GAPVD1: variants seen among roughly 807,000 people sequenced by gnomAD.
The protein encoded by GAPVD1 is GTPase activating protein and VPS9 domains 1.
A neutral mutation model predicts 155.5 loss-of-function variants in GAPVD1; 35 were observed. The ratio of observed to expected loss-of-function variants is 0.23; its 90% CI spans 0.17 to 0.30. GAPVD1 has a LOEUF of 0.30. GAPVD1 is among the 10% of genes least tolerant of loss of function. The pLI, the probability that GAPVD1 is intolerant of heterozygous loss-of-function variation, is 1.00. For synonymous variants in GAPVD1, 636 were observed against 619.7 expected, an observed-to-expected ratio of 1.03 and a Z score of -0.39; for missense variants, 1,429 against 1,775.7, an observed-to-expected ratio of 0.80 and a Z score of 3.51.
At chr9:125,357,417 A>G (rs762921157) in intron 25 of GAPVD1, among the ~76,000 whole-genome samples, 1 of 151,600 alleles carries the variant, frequency 6.6e-6, no homozygotes, top group Non-Finnish European at 1.5e-5. Context: ...CATCTCTACT[A>G]AAAATACAAA....
chr9:125,338,945 G>A (rs577395786), intron 17 of GAPVD1, among the ~76,000 whole-genome samples: 15 of 149,376 alleles, frequency 1.0e-4, no homozygotes, highest in Non-Finnish European at 1.6e-4. Context: ...GTGTGTGTGT[G>A]TGTGTGTGTG....
chr9:125,360,738 C>T lies in GAPVD1; in HGVS notation c.4242+13C>T, dbSNP rs1213260324. The T allele has an allele frequency of 3.7e-6, 6 of 1,600,544 alleles. No homozygotes were observed. Among genetic ancestry groups the T allele is most frequent in the Non-Finnish European group, 3.4e-6 (4 of 1,168,456 alleles). ...TGTGTTGATAAAGGTGGGCCCCTTA[C>T]TACTATCAGTTAAGGAGTTATGTGG... On this transcript the variant is annotated intron_variant, in intron 27 of 27. Coordinates refer to ENST00000297933, the MANE Select transcript of GAPVD1 (RefSeq NM_001282680.3).
At position 125,362,853 on chromosome 9, in the gene GAPVD1, C is replaced by A; in HGVS notation, c.*107C>A. On this transcript the variant is annotated 3_prime_UTR_variant, in exon 28 of 28. Transcript: ENST00000297933. ...CTGAAGATTGTTTTGTATGATACTG[C>A]ACAGCATCAGGCATTTTAAAGCAGA... The A allele has an allele frequency of 1.1e-6, 1 of 908,310 alleles. No individual in the cohort carries two copies. Among genetic ancestry groups the A allele is most frequent in the Non-Finnish European group, 1.6e-6 (1 of 606,740 alleles). 56.3% of individuals were successfully genotyped at this position (908,310 alleles called of 1,614,324 possible). A position where few individuals can be genotyped will look rare whatever the true frequency, so the allele number is the denominator to read the frequency against.
chr9:125,324,289 G>A (rs1394785620), intron 11 of GAPVD1, among the ~76,000 whole-genome samples: 1 of 152,118 alleles, frequency 6.6e-6, no homozygotes, highest in East Asian at 1.9e-4. Context: ...GATACATATG[G>A]TTGAAAGTAT....
intron 17 of GAPVD1, 65 bp from the exon 18 acceptor site, chr9:125,341,112 A>T: frequency 1.2e-6 from 1 of 868,968 alleles, no homozygotes; most frequent in Non-Finnish European, 2.0e-6. Flanking sequence ...AACAAAAAGA[A>T]ATCCTTTTCT....
intron 15 of GAPVD1, chr9:125,336,711 A>G (rs1211732750): frequency 7.7e-6 from 2 of 258,922 alleles, no homozygotes; most frequent in Admixed American, 5.2e-5. Flanking sequence ...TTCTCAAAAC[A>G]TTGATGGTTT....
At chr9:125,358,614 A>G (rs1850461838) in intron 25 of GAPVD1, among the ~76,000 whole-genome samples, 1 of 152,180 alleles carries the variant, frequency 6.6e-6, no homozygotes, top group Non-Finnish European at 1.5e-5. Context: ...GAGAGAATTC[A>G]CTTTCCTGTG....
At position 125,342,254 on chromosome 9, in the gene GAPVD1, A is replaced by G. The variant is rs1044802382; in HGVS notation, c.3001A>G (p.Lys1001Glu). 6.9e-6 allele frequency: 11 copies of G among 1,600,786 alleles called. No individual in the cohort carries two copies. The highest frequency in any genetic ancestry group is 8.6e-6 in the Non-Finnish European group (10 of 1,167,962). The change falls in exon 19 of 28, where the codon AAA becomes GAA. Residue 1001 changes from lysine to glutamate, a missense_variant. Transcript: ENST00000297933. ...ATTTAGAAAGAAAGAAAAACAAGAA[A>G]AAGACAAAGATGATCTGGGGCCTGA... ...IPFRKKEKQEKDKDDLGPDRF... is the reference protein window; with the variant it reads ...IPFRKKEKQEEDKDDLGPDRF...
In GAPVD1 at chr9:125,366,514, C is replaced by T. The variant is rs956041235; in HGVS notation, c.*3768C>T. ...GATTTTTCTCTCCCATCTCTTCCTG[C>T]TTTGTTTCTTTAAAGAAAAGGCTGT... On this transcript the variant is annotated 3_prime_UTR_variant, in exon 28 of 28. Coordinates refer to ENST00000297933, the MANE Select transcript of GAPVD1 (RefSeq NM_001282680.3). 1 of 152,116 alleles carries T rather than the reference C, an allele frequency of 6.6e-6. No individual in the cohort carries two copies. Among genetic ancestry groups the T allele is most frequent in the African/African-American group, 2.4e-5 (1 of 41,414 alleles). The allele number at this position is 152,116 out of a possible 1,614,324, so 9.4% of individuals were successfully genotyped here. A position where few individuals can be genotyped will look rare whatever the true frequency, so the allele number is the denominator to read the frequency against.
intron 25 of GAPVD1, among the ~76,000 whole-genome samples, chr9:125,357,665 A>G (rs1317464648): frequency 1.3e-5 from 2 of 152,110 alleles, no homozygotes; most frequent in Non-Finnish European, 1.5e-5. Flanking sequence ...TTATATCTCA[A>G]TAAAGCTGTT....
At chr9:125,347,730 A>C (rs201518693) in intron 20 of GAPVD1, among the ~76,000 whole-genome samples, 3,187 of 152,170 alleles carry the variant, frequency 0.021, 136 homozygotes, top group Non-Finnish European at 0.021. Context: ...CAAAAAAAAA[A>C]AAACAAACAT....
At chr9:125,350,632 T>C in intron 22 of GAPVD1, 81 bp from the exon 23 acceptor site, 1 of 839,684 alleles carries the variant, frequency 1.2e-6, no homozygotes, top group Non-Finnish European at 1.9e-6. Flanking sequence ...AAAGCAGAAT[T>C]GACGTCCCAA....
At position 125,302,473 on chromosome 9, in the gene GAPVD1, T is replaced by A. The variant is rs753110035; in HGVS notation, c.676T>A (p.Phe226Ile). ...ETDPNKLIERFSPSQQEKLFG... is the reference protein window; with the variant it reads ...ETDPNKLIERISPSQQEKLFG... ...AGATCCAAACAAGCTAATTGAGAGG[T>A]TCTCTCCATCTCAGCAGGAAAAACT... The change falls in exon 5 of 28, where the codon TTC becomes ATC. Residue 226 changes from phenylalanine (F) to isoleucine (I), a missense_variant. Transcript: ENST00000297933. The A allele has an allele frequency of 6.2e-6, 10 of 1,613,398 alleles. No individual in the cohort carries two copies. The highest frequency in any genetic ancestry group is 8.5e-6 in the Non-Finnish European group (10 of 1,179,808).
intron 2 of GAPVD1, among the ~76,000 whole-genome samples, chr9:125,294,843 G>T (rs1171410868): frequency 3.9e-5 from 6 of 151,950 alleles, no homozygotes; most frequent in Non-Finnish European, 8.8e-5. Flanking sequence ...AAACTCAAAT[G>T]AAGTAGATGT....
chr9:125,351,013 T>G (rs998670477), intron 23 of GAPVD1, 141 bp downstream of exon 23: 9 of 693,434 alleles, frequency 1.3e-5, no homozygotes, highest in Non-Finnish European at 2.2e-5. Context: ...TCTGTGTTAG[T>G]CTGTTCTCAC....
intron 8 of GAPVD1, chr9:125,309,306 C>T (rs1276417476): frequency 6.6e-6 from 1 of 151,910 alleles, no homozygotes; most frequent in Non-Finnish European, 1.5e-5. Flanking sequence ...AGCGATTTTA[C>T]ACTTATTGGT....
chr9:125,333,645 C>A (rs958256943), intron 15 of GAPVD1, among the ~76,000 whole-genome samples: 1 of 151,942 alleles, frequency 6.6e-6, no homozygotes, highest in Non-Finnish European at 1.5e-5. Flanking sequence ...TGTGCCACCA[C>A]GCCCAGCTAA....
chr9:125,280,929 A>G (rs1362798893), intron 2 of GAPVD1, among the ~76,000 whole-genome samples: 4 of 152,164 alleles, frequency 2.6e-5, no homozygotes, highest in African/African-American at 7.2e-5. Flanking sequence ...GTGGAAGTCA[A>G]TATAAAAAGT....
chr9:125,323,480 T>A (rs1844696454), intron 10 of GAPVD1, among the ~76,000 whole-genome samples: 1 of 152,114 alleles, frequency 6.6e-6, no homozygotes, highest in Non-Finnish European at 1.5e-5. Flanking sequence ...TAAATTTTTA[T>A]ATTTTTAGTA....
Sources: gnomAD v4.1 joint callset for allele counts (sites outside exome capture counted in the v4.1 genomes callset) on GRCh38, gnomAD v4.1.1 for gene constraint, MANE v1.5 for transcripts, NCBI Gene and HGNC (gene_info 2026-07-23, HGNC 2026-07-21) for gene names.